The following SCN7A variants were observed in gnomAD, a reference collection of about 807,000 sequenced individuals.
The protein encoded by SCN7A is sodium channel protein type 7 subunit alpha.
In SCN7A, 138 loss-of-function variants were observed where a neutral mutation model predicts 155.2. The observed-to-expected ratio is 0.89, with a 90% CI of 0.77 to 1.02. SCN7A has a LOEUF of 1.02. Among genes scored for constraint, SCN7A ranks in the 50% least tolerant of loss-of-function variants. SCN7A has a pLI of 0.00. For synonymous variants in SCN7A, 693 were observed against 649.0 expected (o/e 1.07, Z -1.03); for missense variants, 2,058 against 1,986.6 (o/e 1.04, Z -0.68).
At chr2:166,437,507 G>T (rs11681524) in intron 15 of SCN7A, among the ~76,000 whole-genome samples, 39,259 of 152,058 alleles carry the variant, frequency 0.26, 5,758 homozygotes, top group African/African-American at 0.39. Flanking sequence ...CCCCACTGGG[G>T]CACTGCCTAG....
intron 23 of SCN7A, among the ~76,000 whole-genome samples, chr2:166,411,329 A>T (rs112697228): frequency 0.041 from 6,293 of 152,126 alleles, 154 homozygotes; most frequent in African/African-American, 0.05. Context: ...TTTGTCCAGC[A>T]CATCCACTCA....
At position 166,428,000 on chromosome 2, in the gene SCN7A, A is replaced by G; in HGVS notation, c.2699-58T>C. On this transcript the variant is annotated intron_variant, in intron 17 of 25. Transcript: ENST00000643258. ...TAGAAAACTCATGAAAAAGTAAACAACTGAAACTTTCTACTATGTGCCACA... is the reference window on the plus strand; with the variant it reads ...TAGAAAACTCATGAAAAAGTAAACAGCTGAAACTTTCTACTATGTGCCACA... 3.3e-6 allele frequency: 5 copies of G among 1,532,854 alleles called. No individual in the cohort carries two copies. The Admixed American group carries it at 8.8e-5, about 27-fold the overall frequency. 95.0% of individuals were successfully genotyped at this position (1,532,854 alleles called of 1,614,324 possible).
intron 10 of SCN7A, among the ~76,000 whole-genome samples, chr2:166,457,538 A>G (rs1307815471): frequency 6.6e-6 from 1 of 152,192 alleles, no homozygotes; most frequent in Non-Finnish European, 1.5e-5. Context: ...ACAGCAAAGT[A>G]AAAAATTAGT....
chr2:166,429,823 G>A (rs1176351508), intron 16 of SCN7A, among the ~76,000 whole-genome samples: 1 of 151,958 alleles, frequency 6.6e-6, no homozygotes, highest in Non-Finnish European at 1.5e-5. Flanking sequence ...GCCTGGGAAA[G>A]GGGCACAGCC....
At position 166,417,084 on chromosome 2, in the gene SCN7A, A is replaced by T. The variant is rs186540805; in HGVS notation, c.3136-99T>A. 8.3e-3 allele frequency: 7,806 copies of T among 935,854 alleles called. 40 individuals are homozygous for T. Among genetic ancestry groups the T allele is most frequent in the African/African-American group, 0.017 (1,004 of 59,068 alleles). The allele number at this position is 935,854 out of a possible 1,614,324, so 58.0% of individuals were successfully genotyped here. A position where few individuals can be genotyped will look rare whatever the true frequency, so the allele number is the denominator to read the frequency against. ...TACTAATTGATAGAATAACATATTT[A>T]AAAAAAAACCTTAAAAGGCCATATC... is the stretch of plus-strand genomic sequence containing the variant. On this transcript the variant is annotated intron_variant, in intron 20 of 25. Coordinates refer to ENST00000643258, the MANE Select transcript of SCN7A (RefSeq NM_002976.4).
intron 10 of SCN7A, among the ~76,000 whole-genome samples, chr2:166,457,492 AT>A (rs112201996): frequency 0.32 from 49,061 of 151,212 alleles, 8,742 homozygotes; most frequent in Non-Finnish European, 0.4. Flanking sequence ...ATGTTTGGAG[AT>A]TTTTTTTTTC....
Position 166,467,330 on chromosome 2 carries a change from G to T in SCN7A, c.665-1343C>A, listed in dbSNP as rs192418608. On this transcript the variant is annotated intron_variant, in intron 7 of 25. Transcript: ENST00000643258. ...CCAAACTTTTAAAATAGGTGTATTT[G>T]CACTGTGTGCTTATTTGGCAACTGT... is the stretch of plus-strand genomic sequence containing the variant. 5.9e-3 allele frequency among the ~76,000 whole-genome samples: 895 copies of T among 151,824 alleles called. 9 individuals are homozygous for T. Among genetic ancestry groups the T allele is most frequent in the African/African-American group, 0.02 (848 of 41,460 alleles).
In SCN7A at chr2:166,405,791, C is replaced by A; in HGVS notation, c.4838G>T (p.Cys1613Phe). ...TTTCAAAGTAGTCGTAATTGGCTCA[C>A]ATGTGATCTTAAAAGGGTTGGCTAA... is the stretch of plus-strand genomic sequence containing the variant. ...FLLANPFKIT[C>F]EPITTTLKRK... The change falls in exon 26 of 26, where the codon TGT (cysteine) becomes TTT (phenylalanine). Residue 1613 changes from cysteine (C) to phenylalanine (F), a missense_variant. Coordinates refer to ENST00000643258, the MANE Select transcript of SCN7A (RefSeq NM_002976.4). 4.3e-6 allele frequency: 7 copies of A among 1,613,054 alleles called. No individual in the cohort carries two copies. The highest frequency in any genetic ancestry group is 5.1e-6 in the Non-Finnish European group (6 of 1,179,362).
Position 166,403,960 on chromosome 2 carries a change from T to C in SCN7A, c.*1620A>G, listed in dbSNP as rs930202329. 4.0e-5 allele frequency: 6 copies of C among 150,592 alleles called. No homozygotes were observed. Among genetic ancestry groups the C allele is most frequent in the Non-Finnish European group, 8.9e-5 (6 of 67,666 alleles). 9.3% of individuals were successfully genotyped at this position (150,592 alleles called of 1,614,324 possible). Reference sequence around the variant, plus strand: ...AGAGGAAAAAAAAAAAACCCTGAAATCTGAAATTACATTTACTTAGGGCAT... The same window carrying C: ...AGAGGAAAAAAAAAAAACCCTGAAACCTGAAATTACATTTACTTAGGGCAT... On this transcript the variant is annotated 3_prime_UTR_variant, in exon 26 of 26. Coordinates refer to ENST00000643258, the MANE Select transcript of SCN7A (RefSeq NM_002976.4).
intron 3 of SCN7A, among the ~76,000 whole-genome samples, chr2:166,475,702 A>G (rs1702781990): frequency 6.6e-6 from 1 of 151,948 alleles, no homozygotes; most frequent in Non-Finnish European, 1.5e-5. Flanking sequence ...TGAAATGACT[A>G]ATTTTAGGTA....
intron 15 of SCN7A, among the ~76,000 whole-genome samples, chr2:166,437,616 C>A (rs535560806): frequency 5.9e-5 from 9 of 152,282 alleles, no homozygotes; most frequent in African/African-American, 1.9e-4. Flanking sequence ...CACTTAACAC[C>A]GGCCTGTGAA....
chr2:166,445,333 G>GGAAGGAAGGAAGGAAGGAAA (rs1166162622), intron 12 of SCN7A, among the ~76,000 whole-genome samples: 1 of 146,986 alleles, frequency 6.8e-6, no homozygotes, highest in Admixed American at 6.8e-5. Context: ...AAGGAAAAAA[G>GGAAGGAAGGAAGGAAGGAAA]GAAGGAAGGA....
chr2:166,444,128 G>C (rs1702014131), intron 13 of SCN7A, among the ~76,000 whole-genome samples: 1 of 152,142 alleles, frequency 6.6e-6, no homozygotes, highest in Non-Finnish European at 1.5e-5. Context: ...GAAACTTCTA[G>C]CAGTTTGGCT....
chr2:166,434,213 A>C (rs1330670936), intron 15 of SCN7A, among the ~76,000 whole-genome samples: 1 of 152,140 alleles, frequency 6.6e-6, no homozygotes, highest in Non-Finnish European at 1.5e-5. Flanking sequence ...AATGGGTTAC[A>C]TTTACTTCTC....
intron 9 of SCN7A, among the ~76,000 whole-genome samples, chr2:166,463,589 T>C (rs1702459939): frequency 6.6e-6 from 1 of 152,170 alleles, no homozygotes; most frequent in African/African-American, 2.4e-5. Context: ...TGAATATCCA[T>C]GACCATGTGT....
chr2:166,463,395 G>A (rs962245447), intron 9 of SCN7A, among the ~76,000 whole-genome samples: 13 of 152,120 alleles, frequency 8.5e-5, no homozygotes, highest in African/African-American at 3.1e-4. Context: ...ATGGAACAAG[G>A]AGAGATTTAA....
intron 3 of SCN7A, among the ~76,000 whole-genome samples, chr2:166,475,107 TATATATATATATAC>T (rs1270833992): frequency 2.6e-4 from 27 of 103,990 alleles, no homozygotes; most frequent in Non-Finnish European, 2.9e-4. Flanking sequence ...TATATATGTA[TATATATATATATAC>T]ATATATATAT....
At chr2:166,439,055 G>GTGTGTGTATATATATATATATA (rs375208870) in intron 15 of SCN7A, among the ~76,000 whole-genome samples, 15 of 113,406 alleles carry the variant, frequency 1.3e-4, no homozygotes, top group African/African-American at 4.1e-4. Flanking sequence ...GTGTGTGTGT[G>GTGTGTGTATATATATATATATA]TATATATATA....
intron 9 of SCN7A, among the ~76,000 whole-genome samples, chr2:166,463,919 G>C (rs1260324804): frequency 6.6e-6 from 1 of 151,950 alleles, no homozygotes; most frequent in East Asian, 2.0e-4. Flanking sequence ...AGCCAGTAGT[G>C]GTGGCACATG....
Sources: allele counts gnomAD v4.1 joint callset (sites outside exome capture counted in the v4.1 genomes callset), GRCh38; gene constraint gnomAD v4.1.1; transcripts MANE v1.5; gene names NCBI Gene and HGNC (gene_info 2026-07-23, HGNC 2026-07-21).